PLEKHG1: variants seen among roughly 807,000 people sequenced by gnomAD.
PLEKHG1 encodes the protein pleckstrin homology domain-containing family G member 1.
PLEKHG1 carries 44 observed loss-of-function variants against 100.8 expected under a neutral mutation model. The ratio of observed to expected loss-of-function variants is 0.44; its 90% confidence interval spans 0.34 to 0.56. PLEKHG1 has a LOEUF of 0.56. PLEKHG1 is among the 20% of genes least tolerant of loss of function. The pLI, the probability that PLEKHG1 is intolerant of heterozygous loss-of-function variation, is 0.01. For synonymous variants in PLEKHG1, 640 were observed against 662.5 expected (o/e 0.97, Z 0.52); for missense variants, 1,545 against 1,720.9 (o/e 0.90, Z 1.81).
At chr6:150,753,355 T>C (rs2128630455) in intron 2 of PLEKHG1, among the ~76,000 whole-genome samples, 1 of 152,174 alleles carries the variant, frequency 6.6e-6, no homozygotes, top group East Asian at 1.9e-4. Flanking sequence ...TAAAATATTT[T>C]CTTTTGAAAA....
chr6:150,830,958 A>C (rs746334640), exon 15 of PLEKHG1: 2 of 1,614,004 alleles, frequency 1.2e-6, no homozygotes, highest in Non-Finnish European at 1.7e-6. Context: ...GGGGAGAGCA[A>C]CACATGCCCT....
At chr6:150,800,755 G>A in exon 6 of PLEKHG1, 1 of 1,614,024 alleles carries the variant, frequency 6.2e-7, no homozygotes, top group East Asian at 2.2e-5. Context: ...TGAGGAACAA[G>A]ATACTGGCCA....
At chr6:150,817,155 C>A (rs996058107) in intron 10 of PLEKHG1, among the ~76,000 whole-genome samples, 22 of 152,186 alleles carry the variant, frequency 1.4e-4, no homozygotes, top group African/African-American at 5.3e-4. Context: ...TGGAACTCAC[C>A]AGTTGAGCTG....
chr6:150,637,151 A>G (rs1260754192), intron 1 of PLEKHG1, among the ~76,000 whole-genome samples: 1 of 152,208 alleles, frequency 6.6e-6, no homozygotes, highest in Non-Finnish European at 1.5e-5. Context: ...CAAACTATGA[A>G]TATGTTTTTT....
At chr6:150,755,933 TAGAA>T (rs1320818518) in intron 2 of PLEKHG1, among the ~76,000 whole-genome samples, 2 of 152,128 alleles carry the variant, frequency 1.3e-5, no homozygotes, top group African/African-American at 4.8e-5. Context: ...TTGTGGTAGA[TAGAA>T]GCTGCATTTA....
chr6:150,836,827 AAAAAAAAAAG>A (rs2128692372), intron 15 of PLEKHG1, among the ~76,000 whole-genome samples: 1 of 151,868 alleles, frequency 6.6e-6, no homozygotes, highest in East Asian at 1.9e-4. Flanking sequence ...TGTCTCAAAA[AAAAAAAAAAG>A]AAAAGAAAAG....
At chr6:150,735,655 A>G (rs1782525650) in intron 2 of PLEKHG1, among the ~76,000 whole-genome samples, 1 of 152,192 alleles carries the variant, frequency 6.6e-6, no homozygotes, top group Admixed American at 6.5e-5. Flanking sequence ...CAATGATGTC[A>G]TTTGTACTTG....
chr6:150,763,024 C>CTTTTTTTTTTTTTTT lies in PLEKHG1; in HGVS notation c.412-5608_412-5594dup, dbSNP rs60462437. 5.6e-4 allele frequency among the ~76,000 whole-genome samples: 43 copies of CTTTTTTTTTTTTTTT among 76,494 alleles called. 6 individuals carry two copies. Among genetic ancestry groups the CTTTTTTTTTTTTTTT allele is most frequent in the African/African-American group, 1.9e-3 (28 of 14,468 alleles). The allele number at this position is 76,494 out of a possible 152,430, so 50.2% of individuals were successfully genotyped here. The stretch of plus-strand genomic sequence containing the variant: ...AGCACCAACAGGAGGGATAAAGCTT[C>CTTTTTTTTTTTTTTT]TTTTTTTTTTTTTTTTTTTTGAGAC... On this transcript the variant is annotated intron_variant, in intron 2 of 15. Transcript: ENST00000358517.
At chr6:150,642,484 C>G (rs558720969) in intron 2 of PLEKHG1, among the ~76,000 whole-genome samples, 20 of 152,264 alleles carry the variant, frequency 1.3e-4, no homozygotes, top group African/African-American at 4.6e-4. Context: ...TCTTGTTTTA[C>G]CCATAATTTT....
At chr6:150,618,877 G>A (rs1365184688) in intron 1 of PLEKHG1, among the ~76,000 whole-genome samples, 3 of 152,106 alleles carry the variant, frequency 2.0e-5, no homozygotes, top group Non-Finnish European at 4.4e-5. Context: ...CCAGGCATTC[G>A]AGACTAGCTT....
chr6:150,726,438 A>G (rs932543936), intron 1 of PLEKHG1, among the ~76,000 whole-genome samples: 2 of 152,170 alleles, frequency 1.3e-5, no homozygotes, highest in African/African-American at 4.8e-5. Context: ...ACCCCAATAA[A>G]ATACATTTTT....
At chr6:150,714,196 C>A (rs975697127) in intron 3 of PLEKHG1, among the ~76,000 whole-genome samples, 1 of 152,164 alleles carries the variant, frequency 6.6e-6, no homozygotes, top group African/African-American at 2.4e-5. Context: ...CCGATGGTGT[C>A]CTTAGAGATG....
intron 3 of PLEKHG1, among the ~76,000 whole-genome samples, chr6:150,656,431 A>T (rs772404217): frequency 2.2e-4 from 34 of 152,136 alleles, no homozygotes; most frequent in Non-Finnish European, 3.7e-4. Context: ...TCTGTTGAAA[A>T]TGAGGAGGGG....
At chr6:150,804,866 GA>G in intron 7 of PLEKHG1, 125 bp downstream of exon 8, 1 of 840,282 alleles carries the variant, frequency 1.2e-6, no homozygotes, top group Non-Finnish European at 1.8e-6. Context: ...AGTTCTCCCT[GA>G]AAAAAGTTCA....
chr6:150,818,414 C>A (rs1012727032), intron 11 of PLEKHG1, among the ~76,000 whole-genome samples, 198 bp downstream of exon 12: 81 of 152,288 alleles, frequency 5.3e-4, no homozygotes, highest in African/African-American at 1.8e-3. Flanking sequence ...CCAGGTTTAT[C>A]TGAGTCCCTT....
rs150013234 is a variant in PLEKHG1, at chr6:150,682,945, T to C, written c.-99+32159T>C. ...AACATGCCACACACAGCCCCACCCT[T>C]ACCCCAAGACTCCTCCCTGACGTTA... On this transcript the variant is annotated intron_variant, in intron 3 of 3. Transcript: ENST00000367326. Among the ~76,000 whole-genome samples the C allele has an allele frequency of 3.7e-3, 560 of 152,282 alleles. 3 individuals are homozygous for C. Among genetic ancestry groups the C allele is most frequent in the African/African-American group, 0.013 (535 of 41,564 alleles).
At chr6:150,654,996 A>G (rs1778908472) in intron 3 of PLEKHG1, among the ~76,000 whole-genome samples, 2 of 152,234 alleles carry the variant, frequency 1.3e-5, no homozygotes, top group African/African-American at 4.8e-5. Context: ...TGGTGGTGTT[A>G]TGAAAATGAT....
intron 3 of PLEKHG1, among the ~76,000 whole-genome samples, chr6:150,707,307 GTTTCAT>G (rs1328387369): frequency 1.3e-5 from 2 of 151,868 alleles, no homozygotes; most frequent in Non-Finnish European, 2.9e-5. Context: ...CCAGGCCTGT[GTTTCAT>G]TTTCATGTAG....
rs1398805684 is a variant in PLEKHG1, at chr6:150,600,574, G to A, written c.-204+557G>A. The stretch of plus-strand genomic sequence containing the variant: ...GCTGCTGCGGCGCTCAGGGCTTGGG[G>A]GCGCCCCCGTTCTGCAGATGCGCTT... On this transcript the variant is annotated intron_variant, in intron 1 of 3. Transcript: ENST00000367326. The surrounding 1 kb of genome is among the most constrained non-coding windows in gnomAD (Gnocchi z 6.2). 6.6e-6 allele frequency among the ~76,000 whole-genome samples: 1 copy of A among 152,202 alleles called. No homozygotes were observed. Among genetic ancestry groups the A allele is most frequent in the Non-Finnish European group, 1.5e-5 (1 of 68,020 alleles).
Sources: allele counts gnomAD v4.1 joint callset (sites outside exome capture counted in the v4.1 genomes callset), GRCh38; gene constraint gnomAD v4.1.1; non-coding constraint Gnocchi (gnomAD v3.1); transcripts MANE v1.5; gene names NCBI Gene and HGNC (gene_info 2026-07-23, HGNC 2026-07-21).